Variants in CARS2 observed in about 807,000 individuals in gnomAD.
CARS2 encodes the protein probable cysteine--tRNA ligase, mitochondrial.
In CARS2, 52 loss-of-function variants were observed where a neutral mutation model predicts 68.8. The observed-to-expected ratio is 0.76, with a 90% CI of 0.61 to 0.95. CARS2 has a LOEUF of 0.95. CARS2 is among the 40% of genes least tolerant of loss of function. The probability of loss-of-function intolerance (pLI) is 0.00; values close to 1 mark genes in which losing one functional copy is unlikely to be tolerated. For missense variants in CARS2, 780 were observed against 754.2 expected (o/e 1.03, Z -0.40); for synonymous variants, 314 against 303.6 (o/e 1.03, Z -0.36).
Position 110,665,095 on chromosome 13 carries a change from A to G in CARS2, c.920-1577T>C. On this transcript the variant is annotated intron_variant, in intron 8 of 14. Coordinates refer to ENST00000257347, the MANE Select transcript of CARS2 (RefSeq NM_024537.4). The surrounding 1 kb of genome is among the most constrained non-coding windows in gnomAD (Gnocchi z 4.3). Reference sequence around the variant, plus strand: ...CTGATGTTTTGTTTGGGGCCAAACTAGTATGAAAAAGATCGCTGGTATCTT... The same window carrying G: ...CTGATGTTTTGTTTGGGGCCAAACTGGTATGAAAAAGATCGCTGGTATCTT... The G allele has an allele frequency of 2.0e-6, 2 of 985,454 alleles. No individual in the cohort carries two copies. Among genetic ancestry groups the G allele is most frequent in the Non-Finnish European group, 2.4e-6 (2 of 829,936 alleles). 61.0% of individuals were successfully genotyped at this position (985,454 alleles called of 1,614,324 possible).
chr13:110,687,593 C>G, intron 5 of CARS2, 128 bp downstream of exon 5: 1 of 608,286 alleles, frequency 1.6e-6, no homozygotes, highest in South Asian at 2.0e-5. Context: ...ACGGGAGAAT[C>G]GCTTGAACCA....
chr13:110,704,859 C>T lies in CARS2; in HGVS notation c.275+662G>A, dbSNP rs149702757. On this transcript the variant is annotated intron_variant, in intron 2 of 14. Transcript: ENST00000257347. ...TTGTACATTATATTTTGGAAATGTA[C>T]AAAATATTAGGAAAAGTGGTAATTT... Among the ~76,000 whole-genome samples the T allele has an allele frequency of 8.1e-4, 123 of 152,056 alleles. 1 individual carries two copies. In the East Asian group the frequency reaches 0.017, roughly 21 times the overall value.
chr13:110,652,841 ATG>A (rs2062254962), intron 9 of CARS2, among the ~76,000 whole-genome samples: 1 of 152,140 alleles, frequency 6.6e-6, no homozygotes, highest in Admixed American at 6.5e-5. Flanking sequence ...TTCAACAGTT[ATG>A]TGTTTATTTC....
At position 110,665,822 on chromosome 13, in the gene CARS2, A is replaced by G; in HGVS notation, c.919+1518T>C. 3.0e-6 allele frequency: 3 copies of G among 985,350 alleles called. No individual in the cohort carries two copies. Among genetic ancestry groups the G allele is most frequent in the Non-Finnish European group, 3.6e-6 (3 of 829,914 alleles). 61.0% of individuals were successfully genotyped at this position (985,350 alleles called of 1,614,324 possible). A position where few individuals can be genotyped will look rare whatever the true frequency, so the allele number is the denominator to read the frequency against. On this transcript the variant is annotated intron_variant, in intron 8 of 14. Coordinates refer to ENST00000257347, the MANE Select transcript of CARS2 (RefSeq NM_024537.4). The surrounding 1 kb of genome is among the most constrained non-coding windows in gnomAD (Gnocchi z 4.3). ...CAAGTGAACCCTGCTGCGGACCAGAAAACCGGAGCACTTCTGCATTTAATG... is the reference window on the plus strand; with the variant it reads ...CAAGTGAACCCTGCTGCGGACCAGAGAACCGGAGCACTTCTGCATTTAATG...
chr13:110,641,452 C>G lies in CARS2; in HGVS notation c.*85G>C. On this transcript the variant is annotated 3_prime_UTR_variant, in exon 15 of 15. Coordinates refer to ENST00000257347, the MANE Select transcript of CARS2 (RefSeq NM_024537.4). ...TACTTTAATGCTGACCTAGCAGCCC[C>G]GACAGGAAGCTTTAACATAAAGCCT... 1.8e-6 allele frequency: 2 copies of G among 1,137,206 alleles called. No homozygotes were observed. Among genetic ancestry groups the G allele is most frequent in the East Asian group, 4.7e-5 (2 of 42,748 alleles). The allele number at this position is 1,137,206 out of a possible 1,614,324, so 70.4% of individuals were successfully genotyped here.
chr13:110,669,489 G>T (rs953991933), intron 7 of CARS2, among the ~76,000 whole-genome samples: 1 of 152,140 alleles, frequency 6.6e-6, no homozygotes, highest in Non-Finnish European at 1.5e-5. Context: ...ATCCTTTCCT[G>T]TGTTTCTAAT....
intron 3 of CARS2, among the ~76,000 whole-genome samples, chr13:110,692,197 C>T (rs2063489709): frequency 6.6e-6 from 1 of 151,670 alleles, no homozygotes; most frequent in African/African-American, 2.4e-5. Context: ...TGGCCGGGCG[C>T]AGTGGCTCAC....
At chr13:110,702,776 G>A (rs1043794072) in intron 2 of CARS2, among the ~76,000 whole-genome samples, 6 of 152,092 alleles carry the variant, frequency 3.9e-5, no homozygotes, top group African/African-American at 1.4e-4. Context: ...GCACACACAC[G>A]CCTTGCAAGT....
chr13:110,665,799 A>G lies in CARS2; in HGVS notation c.919+1541T>C, dbSNP rs1213993975. 3.0e-6 allele frequency: 3 copies of G among 985,276 alleles called. No homozygotes were observed. In the African/African-American group the frequency reaches 5.2e-5, roughly 17 times the overall value. The allele number at this position is 985,276 out of a possible 1,614,324, so 61.0% of individuals were successfully genotyped here. On this transcript the variant is annotated intron_variant, in intron 8 of 14. Transcript: ENST00000257347. The surrounding 1 kb of genome is among the most constrained non-coding windows in gnomAD (Gnocchi z 4.3). ...CTATTTACTTTCATGAAGAAACCCA[A>G]GTGAACCCTGCTGCGGACCAGAAAA...
intron 2 of CARS2, among the ~76,000 whole-genome samples, chr13:110,704,310 G>A (rs2063875925): frequency 6.6e-6 from 1 of 152,146 alleles, no homozygotes; most frequent in African/African-American, 2.4e-5. Flanking sequence ...TTTCCAGGGT[G>A]GGGGTTTTGT....
chr13:110,694,371 C>G (rs2063560553), intron 3 of CARS2, among the ~76,000 whole-genome samples: 1 of 151,662 alleles, frequency 6.6e-6, no homozygotes, highest in South Asian at 2.1e-4. Context: ...GCCGTGGTAG[C>G]TCACGCCTGT....
rs1566653530 is a variant in CARS2 at position 110,651,023 on chromosome 13, G to C, written c.1054+11C>G. ...TGGGGGGGGAGTCCACTCCACGTGTGCTCGGCTCACCTGAGCGGTAGCTGC... is the reference window on the plus strand; with the variant it reads ...TGGGGGGGGAGTCCACTCCACGTGTCCTCGGCTCACCTGAGCGGTAGCTGC... On this transcript the variant is annotated intron_variant, in intron 10 of 14. Coordinates refer to ENST00000257347, the MANE Select transcript of CARS2 (RefSeq NM_024537.4). 2 of 1,607,916 alleles carry C rather than the reference G, an allele frequency of 1.2e-6. No individual in the cohort carries two copies. Among genetic ancestry groups the C allele is most frequent in the East Asian group, 2.2e-5 (1 of 44,848 alleles).
chr13:110,642,262 GT>G, intron 14 of CARS2, 52 bp downstream of exon 14: 1 of 1,434,996 alleles, frequency 7.0e-7, no homozygotes, highest in African/African-American at 1.4e-5. Flanking sequence ...CCCACGTCCT[GT>G]TGACCTACCC....
intron 14 of CARS2, 51 bp downstream of exon 14, chr13:110,642,264 T>G (rs1887443335): frequency 6.9e-7 from 1 of 1,444,252 alleles, no homozygotes; most frequent in Admixed American, 2.0e-5. Flanking sequence ...CACGTCCTGT[T>G]GACCTACCCG....
At chr13:110,641,865 C>T (rs1887362833) in intron 14 of CARS2, among the ~76,000 whole-genome samples, 1 of 152,218 alleles carries the variant, frequency 6.6e-6, no homozygotes, top group African/African-American at 2.4e-5. Context: ...GCCCCTCCCT[C>T]ACGGCCCTCC....
At chr13:110,644,186 CAGA>C in intron 13 of CARS2, 196 bp downstream of exon 13, 2 of 1,469,420 alleles carry the variant, frequency 1.4e-6, no homozygotes, top group Non-Finnish European at 1.8e-6. Context: ...TTGCCAACTG[CAGA>C]AGTAGAATTG....
Position 110,646,009 on chromosome 13 carries a change from G to A in CARS2, c.1275C>T (p.Gly425=), listed in dbSNP as rs770146415. 3 of 1,613,858 alleles carry A rather than the reference G, an allele frequency of 1.9e-6. No individual in the cohort carries two copies. The highest frequency in any genetic ancestry group is 1.7e-5 in the Admixed American group (1 of 59,976). The change falls in exon 12 of 15, where the codon GGC becomes GGT. Residue 425 remains glycine, a synonymous_variant. Transcript: ENST00000257347. ...DTPRVVDAIL[G]LAHHGNGQLR... Reference sequence around the variant, plus strand: ...GCTGTCCATTCCCGTGGTGTGCAAGGCCCAGGATGGCATCAACCACCCTGG... The same window carrying A: ...GCTGTCCATTCCCGTGGTGTGCAAGACCCAGGATGGCATCAACCACCCTGG...
At chr13:110,645,650 C>G in intron 12 of CARS2, 1 of 255,432 alleles carries the variant, frequency 3.9e-6, no homozygotes. Flanking sequence ...CACAAAAGCT[C>G]TCTCTGTGAA....
chr13:110,692,093 C>T (rs1016520066), intron 3 of CARS2, among the ~76,000 whole-genome samples: 5 of 145,360 alleles, frequency 3.4e-5, no homozygotes, highest in Non-Finnish European at 6.0e-5. Flanking sequence ...TATACACACA[C>T]ATATATACAT....
Sources: gnomAD v4.1 joint callset for allele counts (sites outside exome capture counted in the v4.1 genomes callset) on GRCh38, gnomAD v4.1.1 for gene constraint, Gnocchi (gnomAD v3.1) non-coding constraint, MANE v1.5 for transcripts, NCBI Gene and HGNC (gene_info 2026-07-23, HGNC 2026-07-21) for gene names.